The following ATP10B variants were observed in gnomAD, a reference collection of about 807,000 sequenced individuals.
The protein encoded by ATP10B is ATPase phospholipid transporting 10B (putative).
ATP10B carries 122 observed loss-of-function variants against 141.2 expected under a neutral mutation model. The observed-to-expected ratio is 0.86, with a 90% confidence interval of 0.75 to 1.00. The LOEUF is 1.00. Ranked by LOEUF, ATP10B falls within the 50% of genes least tolerant of loss-of-function variation. The pLI is 0.00. For synonymous variants in ATP10B, 685 were observed against 692.0 expected (o/e 0.99, Z 0.16); for missense variants, 1,876 against 1,825.3 (o/e 1.03, Z -0.51).
chr5:160,565,561 G>T lies in ATP10B; in HGVS notation c.4278C>A (p.His1426Gln), dbSNP rs1212823650. 6.2e-7 allele frequency: 1 copy of T among 1,613,962 alleles called. No individual in the cohort carries two copies. Among genetic ancestry groups the T allele is most frequent in the Non-Finnish European group, 8.5e-7 (1 of 1,179,964 alleles). Residue 1426 changes from histidine to glutamine, a missense_variant, in exon 26 of 26, where the codon CAC becomes CAA. Physicochemically the swap from His to Gln is conservative, Grantham distance 24. Coordinates refer to ENST00000327245, the MANE Select transcript of ATP10B (RefSeq NM_025153.3). ...DSSAQLSSGE[H>Q]LLGPNRIMAY... is the part of the protein sequence containing the mutation. ...CCATTATCCTGTTAGGTCCCAGCAG[G>T]TGCTCCCCGGATGAGAGTTGAGCTG...
At chr5:160,635,180 G>A (rs554548848) in intron 11 of ATP10B, among the ~76,000 whole-genome samples, 9 of 152,350 alleles carry the variant, frequency 5.9e-5, no homozygotes, top group South Asian at 2.1e-4. Context: ...TGGGTGGGAT[G>A]CTTGTAAACC....
intron 6 of ATP10B, among the ~76,000 whole-genome samples, chr5:160,672,810 T>C (rs1215866106): frequency 2.0e-5 from 3 of 152,234 alleles, no homozygotes; most frequent in Non-Finnish European, 4.4e-5. Context: ...GTTTTCTCCT[T>C]TGACATCACA....
At chr5:160,849,235 G>A (rs1338863760) in intron 1 of ATP10B, among the ~76,000 whole-genome samples, 3 of 152,136 alleles carry the variant, frequency 2.0e-5, no homozygotes, top group Non-Finnish European at 2.9e-5. Flanking sequence ...TTTTAATTAA[G>A]CAGATGAGGC....
At chr5:160,765,468 G>A (rs79460039) in intron 2 of ATP10B, among the ~76,000 whole-genome samples, 2,819 of 152,154 alleles carry the variant, frequency 0.019, 28 homozygotes, top group Middle Eastern at 0.048. Flanking sequence ...TGGGGGAAAC[G>A]ACACCCTATT....
At chr5:160,657,730 C>T (rs1481785202) in intron 7 of ATP10B, among the ~76,000 whole-genome samples, 1 of 152,296 alleles carries the variant, frequency 6.6e-6, no homozygotes, top group Admixed American at 6.5e-5. Flanking sequence ...TAATTGTTGG[C>T]AAAATTGTTA....
the ATP10B span, among the ~76,000 whole-genome samples, chr5:160,883,233 C>A: frequency 6.6e-6 from 1 of 152,092 alleles, no homozygotes; most frequent in Non-Finnish European, 1.5e-5. Context: ...TTTGAACATG[C>A]AAGAATGTAG....
rs1754493749 is a variant in ATP10B at position 160,565,716 on chromosome 5, G to C, written c.4123C>G (p.Gln1375Glu). ...TTTGGGGTGCTGGCACTGAAGTCCT[G>C]TCCTGTGATAGATGACACTGGGTGG... ...THHPVSSITG[Q>E]DFSASTPKSS... The change falls in exon 26 of 26, where the codon CAG (glutamine) becomes GAG (glutamate). Residue 1375 changes from glutamine (Q) to glutamate (E), a missense_variant. Transcript: ENST00000327245. 6.2e-7 allele frequency: 1 copy of C among 1,613,898 alleles called. No homozygotes were observed. The highest frequency in any genetic ancestry group is 1.3e-5 in the African/African-American group (1 of 74,888).
At chr5:160,854,803 C>T (rs1753957646), upstream of ATP10B, among the ~76,000 whole-genome samples, 1 of 152,144 alleles carries the variant, frequency 6.6e-6, no homozygotes, top group South Asian at 2.1e-4. Flanking sequence ...TTACTGAGTA[C>T]TTTGTGCCAG....
intron 2 of ATP10B, among the ~76,000 whole-genome samples, chr5:160,729,336 C>T (rs2127791719): frequency 6.6e-6 from 1 of 152,316 alleles, no homozygotes; most frequent in East Asian, 1.9e-4. Flanking sequence ...CAGTTCATGA[C>T]ACAATTTCTT....
intron 1 of ATP10B, among the ~76,000 whole-genome samples, chr5:160,804,885 A>G (rs1361925907): frequency 1.3e-5 from 2 of 152,240 alleles, no homozygotes; most frequent in African/African-American, 4.8e-5. Flanking sequence ...GATTGGTTTC[A>G]GTAACCCCCC....
intron 9 of ATP10B, among the ~76,000 whole-genome samples, chr5:160,642,635 C>T (rs770460105): frequency 6.6e-6 from 1 of 152,148 alleles, no homozygotes. Flanking sequence ...GTCAATGGTG[C>T]CAAAGGTGAG....
Position 160,591,119 on chromosome 5 carries a change from G to C in ATP10B, c.3585C>G (p.Phe1195Leu). ...QNSECYNLST[F>L]WISMVDAFYQ... ...AGAATGCATCCACCATAGAAATCCA[G>C]AAAGTCGACAGGTTATAGCACTGCC... Residue 1195 changes from phenylalanine to leucine, a missense_variant, in exon 23 of 26, where the codon TTC becomes TTG. Phe to Leu is a conservative substitution (Grantham distance 22). Transcript: ENST00000327245. 1 of 1,614,036 alleles carries C rather than the reference G, an allele frequency of 6.2e-7. No homozygotes were observed.
chr5:160,633,349 G>A (rs554615987), intron 12 of ATP10B: 2 of 152,170 alleles, frequency 1.3e-5, no homozygotes, highest in South Asian at 2.1e-4. Flanking sequence ...AGAAAATGTG[G>A]CACATATACA....
intron 12 of ATP10B, chr5:160,632,820 C>T (rs1045046273): frequency 6.5e-6 from 1 of 153,614 alleles, no homozygotes; most frequent in Non-Finnish European, 1.4e-5. Context: ...ATAATACTCT[C>T]TCCATCTTTC....
intron 3 of ATP10B, among the ~76,000 whole-genome samples, chr5:160,691,062 T>C (rs1764047200): frequency 1.3e-5 from 2 of 152,148 alleles, no homozygotes. Flanking sequence ...TGTAGGGACA[T>C]GGATGAAGCT....
intron 1 of ATP10B, among the ~76,000 whole-genome samples, chr5:160,801,617 G>A (rs954477578): frequency 3.3e-5 from 5 of 152,146 alleles, no homozygotes; most frequent in Admixed American, 6.5e-5. Flanking sequence ...TTAAATGCAT[G>A]ACTACTTTGT....
intron 2 of ATP10B, among the ~76,000 whole-genome samples, chr5:160,771,670 CTACTCT>C (rs1435482955): frequency 6.9e-6 from 1 of 145,398 alleles, no homozygotes; most frequent in Non-Finnish European, 1.5e-5. Flanking sequence ...ATACCTAAAT[CTACTCT>C]TACCAAATTT....
intron 1 of ATP10B, among the ~76,000 whole-genome samples, chr5:160,818,234 T>G (rs1220357132): frequency 6.6e-6 from 1 of 152,118 alleles, no homozygotes; most frequent in East Asian, 1.9e-4. Context: ...GGGAGAAAAT[T>G]TTTGCAATCT....
chr5:160,823,020 A>G (rs1337225965), intron 1 of ATP10B, among the ~76,000 whole-genome samples: 1 of 125,834 alleles, frequency 7.9e-6, no homozygotes, highest in African/African-American at 2.9e-5. Context: ...ATATATATAT[A>G]TATATATATA....
Sources: gnomAD v4.1 joint callset for allele counts (sites outside exome capture counted in the v4.1 genomes callset) on GRCh38, gnomAD v4.1.1 for gene constraint, MANE v1.5 for transcripts, NCBI Gene and HGNC (gene_info 2026-07-23, HGNC 2026-07-21) for gene names.